The following EFCAB8 variants were observed in gnomAD, a reference collection of about 807,000 sequenced individuals.
EFCAB8 encodes the protein EF-hand calcium binding domain 8.
Under a neutral mutation model 116.3 loss-of-function variants are expected in EFCAB8, and 100 were observed. The ratio of observed to expected loss-of-function variants is 0.86; its 90% CI spans 0.73 to 1.02. EFCAB8 has a LOEUF of 1.02. EFCAB8 is among the 50% of genes least tolerant of loss of function. The pLI, the probability that EFCAB8 is intolerant of heterozygous loss-of-function variation, is 0.00. For synonymous variants in EFCAB8, 558 were observed against 567.9 expected (o/e 0.98, Z 0.25); for missense variants, 1,320 against 1,416.9 (o/e 0.93, Z 1.10).
intron 23 of EFCAB8, among the ~76,000 whole-genome samples, chr20:32,948,532 G>GA (rs1331865362): frequency 1.3e-5 from 1 of 74,888 alleles, no homozygotes. Flanking sequence ...GAAAAAGAAA[G>GA]AAAGAAAGAA....
chr20:32,869,393 G>T (rs1165402309), intron 3 of EFCAB8, among the ~76,000 whole-genome samples: 1 of 152,046 alleles, frequency 6.6e-6, no homozygotes, highest in Non-Finnish European at 1.5e-5. Context: ...GTGCCACCAC[G>T]CCTGGCTGTA....
intron 23 of EFCAB8, among the ~76,000 whole-genome samples, chr20:32,952,846 T>TA (rs1988842249): frequency 6.6e-6 from 1 of 152,200 alleles, no homozygotes; most frequent in Admixed American, 6.5e-5. Flanking sequence ...GCATAAAACT[T>TA]ACCATCTTAA....
chr20:32,865,614 A>G (rs1026245368), intron 2 of EFCAB8, among the ~76,000 whole-genome samples: 3 of 151,994 alleles, frequency 2.0e-5, no homozygotes, highest in African/African-American at 7.3e-5. Context: ...CCTGGTCAAC[A>G]TGGTGAAACC....
At chr20:32,930,113 A>G (rs1249191416) in intron 20 of EFCAB8, among the ~76,000 whole-genome samples, 2 of 152,212 alleles carry the variant, frequency 1.3e-5, no homozygotes, top group Admixed American at 1.3e-4. Flanking sequence ...CCTTCATTTG[A>G]TAAACATTTA....
chr20:32,865,520 A>G (rs184760636), intron 2 of EFCAB8, among the ~76,000 whole-genome samples: 209 of 152,094 alleles, frequency 1.4e-3, no homozygotes, highest in Admixed American at 3.3e-3. Flanking sequence ...CCTAGAAGCC[A>G]GGCGCAGTGG....
intron 19 of EFCAB8, among the ~76,000 whole-genome samples, chr20:32,918,893 G>C (rs1038140163): frequency 2.0e-5 from 3 of 152,184 alleles, no homozygotes; most frequent in African/African-American, 7.2e-5. Flanking sequence ...ATCCTGGGCT[G>C]CATTCTCAGT....
Position 32,863,696 on chromosome 20 carries a change from T to C in EFCAB8, c.-10-87T>C, listed in dbSNP as rs1411042300. ...CCTCTCCCTTGACCTTGACTTCTTTTCCACCTTTCTGTGACCTGGCTAAGT... is the reference window on the plus strand; with the variant it reads ...CCTCTCCCTTGACCTTGACTTCTTTCCCACCTTTCTGTGACCTGGCTAAGT... On this transcript the variant is annotated intron_variant, in intron 1 of 26. Transcript: ENST00000400522. 2.2e-6 allele frequency: 3 copies of C among 1,371,470 alleles called. No individual in the cohort carries two copies. In the East Asian group the frequency reaches 7.9e-5, roughly 36 times the overall value. The allele number at this position is 1,371,470 out of a possible 1,614,324, so 85.0% of individuals were successfully genotyped here.
intron 22 of EFCAB8, among the ~76,000 whole-genome samples, chr20:32,939,955 A>G (rs1449126543): frequency 1.4e-5 from 2 of 144,152 alleles, no homozygotes; most frequent in African/African-American, 5.2e-5. Flanking sequence ...TCAGCCTCCC[A>G]AAGTGCTACG....
chr20:32,871,881 G>A (rs1447662430), intron 3 of EFCAB8, among the ~76,000 whole-genome samples: 3 of 152,130 alleles, frequency 2.0e-5, no homozygotes, highest in African/African-American at 7.3e-5. Flanking sequence ...AAAGAGGAAA[G>A]AGTGCCTTTC....
chr20:32,918,686 T>C (rs550675576), intron 19 of EFCAB8, 112 bp downstream of exon 19: 1 of 1,071,004 alleles, frequency 9.3e-7, no homozygotes, highest in South Asian at 1.5e-5. Context: ...AAAGTGCCTT[T>C]AGGTCCCTCA....
rs748968960 is a variant in EFCAB8, at chr20:32,960,375, C to T, written c.3393+214C>T. On this transcript the variant is annotated intron_variant, in intron 26 of 26. Coordinates refer to ENST00000400522, the MANE Select transcript of EFCAB8 (RefSeq NM_001143967.2). ...GCCCTGGCTGAGGTCAGTGGTGCAG[C>T]TTTTGTCCTTGAGGACAAGCCTCAA... Among the ~76,000 whole-genome samples the T allele has an allele frequency of 1.2e-3, 180 of 152,230 alleles. 5 individuals carry two copies. Among genetic ancestry groups the T allele is most frequent in the Admixed American group, 4.6e-4 (7 of 15,290 alleles).
chr20:32,868,274 C>A (rs1984524610), intron 3 of EFCAB8, among the ~76,000 whole-genome samples: 1 of 152,112 alleles, frequency 6.6e-6, no homozygotes, highest in Admixed American at 6.6e-5. Context: ...GTTGCCCAGG[C>A]TGGTCTCAAA....
chr20:32,867,691 A>G lies in EFCAB8; in HGVS notation c.152A>G (p.Glu51Gly). The stretch of plus-strand genomic sequence containing the variant: ...CAGCCTGGGTCCCAGCTGTTTACTG[A>G]GATACACCTGGCCAAGATAGAGAAA... ...DLQPGSQLFT[E>G]IHLAKIEKMF... Residue 51 changes from glutamate to glycine, a missense_variant, in exon 3 of 27, where the codon GAG becomes GGG. Glu to Gly is a moderately conservative substitution (Grantham distance 98, BLOSUM62 -2). Coordinates refer to ENST00000400522, the MANE Select transcript of EFCAB8 (RefSeq NM_001143967.2). The G allele has an allele frequency of 1.3e-6, 2 of 1,551,622 alleles. No individual in the cohort carries two copies. Among genetic ancestry groups the G allele is most frequent in the Non-Finnish European group, 1.7e-6 (2 of 1,146,982 alleles).
chr20:32,957,735 C>G lies in EFCAB8; in HGVS notation c.2960-686C>G, dbSNP rs186560438. 2.9e-3 allele frequency among the ~76,000 whole-genome samples: 437 copies of G among 152,136 alleles called. 1 individual carries two copies. Among genetic ancestry groups the G allele is most frequent in the African/African-American group, 9.4e-3 (389 of 41,496 alleles). On this transcript the variant is annotated intron_variant, in intron 23 of 26. Transcript: ENST00000400522. ...TCTGCTGGTTTCTCTCTCTCTAAGC[C>G]AAGTCTGATTCTCATTCAGCCCGTG...
intron 14 of EFCAB8, among the ~76,000 whole-genome samples, chr20:32,909,549 G>T (rs959441596): frequency 3.3e-5 from 5 of 152,028 alleles, no homozygotes; most frequent in African/African-American, 1.2e-4. Flanking sequence ...CAGCTTCTCA[G>T]AAGTTATAAG....
intron 3 of EFCAB8, among the ~76,000 whole-genome samples, chr20:32,873,339 A>C (rs994494029): frequency 1.3e-5 from 2 of 151,464 alleles, no homozygotes; most frequent in Non-Finnish European, 2.9e-5. Flanking sequence ...TCGGCCTCCC[A>C]AAGTGCTGGG....
Position 32,908,377 on chromosome 20 carries a change from GAGA to G in EFCAB8, c.1414_1416del (p.Lys472del). ...CCCCATCACCAGTGCCTACTTCTTC[GAGA>G]AGGACAATACCCTCATCTGCAGCAC... On this transcript the variant is annotated inframe_deletion, in exon 14 of 27. Coordinates refer to ENST00000400522, the MANE Select transcript of EFCAB8 (RefSeq NM_001143967.2). The G allele has an allele frequency of 8.0e-7, 1 of 1,249,958 alleles. No homozygotes were observed. The highest frequency in any genetic ancestry group is 1.0e-6 in the Non-Finnish European group (1 of 988,266). 77.4% of individuals were successfully genotyped at this position (1,249,958 alleles called of 1,614,324 possible).
intron 11 of EFCAB8, among the ~76,000 whole-genome samples, chr20:32,900,845 GGCGT>G (rs1341611152): frequency 1.3e-5 from 2 of 152,172 alleles, no homozygotes; most frequent in African/African-American, 2.4e-5. Flanking sequence ...TGGGATTACA[GGCGT>G]GAGCCACCAT....
intron 22 of EFCAB8, among the ~76,000 whole-genome samples, chr20:32,940,871 C>G (rs1365803300): frequency 2.7e-5 from 4 of 149,810 alleles, no homozygotes; most frequent in African/African-American, 9.9e-5. Context: ...AATGAGATCC[C>G]ACTTTACACT....
Sources: allele counts gnomAD v4.1 joint callset (sites outside exome capture counted in the v4.1 genomes callset), GRCh38; gene constraint gnomAD v4.1.1; transcripts MANE v1.5; gene names NCBI Gene and HGNC (gene_info 2026-07-23, HGNC 2026-07-21).